RAI14: variants seen among roughly 807,000 people sequenced by gnomAD.
The protein encoded by RAI14 is ankycorbin.
A neutral mutation model predicts 115.4 loss-of-function variants in RAI14; 45 were observed. The ratio of observed to expected loss-of-function variants is 0.39; its 90% confidence interval spans 0.31 to 0.50. The LOEUF (loss-of-function observed/expected upper bound fraction) is 0.50, where lower values mean the gene tolerates loss of function less well. Ranked by LOEUF, RAI14 falls within the 20% of genes least tolerant of loss-of-function variation. The probability of loss-of-function intolerance (pLI) is 0.85; values close to 1 mark genes in which losing one functional copy is unlikely to be tolerated. For missense variants in RAI14, 939 were observed against 1,131.2 expected (o/e 0.83, Z 2.44); for synonymous variants, 371 against 415.4 (o/e 0.89, Z 1.30).
intron 4 of RAI14, among the ~76,000 whole-genome samples, chr5:34,799,539 C>CACACACACACA (rs1554007142): frequency 3.5e-5 from 2 of 57,212 alleles, no homozygotes; most frequent in Non-Finnish European, 9.1e-5. Context: ...CACACACACA[C>CACACACACACA]AAAACCACCT....
At position 34,790,092 on chromosome 5, in the gene RAI14, A is replaced by G. The variant is rs529127796; in HGVS notation, c.168-5847A>G. 3.9e-5 allele frequency among the ~76,000 whole-genome samples: 6 copies of G among 152,374 alleles called. No homozygotes were observed. In the South Asian group the frequency reaches 1.2e-3, roughly 32 times the overall value. On this transcript the variant is annotated intron_variant, in intron 3 of 17. Transcript: ENST00000265109. Reference sequence around the variant, plus strand: ...AACATTAAGACTTGATATCCAAATTAGATACAGAAAAGAAGTTCATAGTGT... The same window carrying G: ...AACATTAAGACTTGATATCCAAATTGGATACAGAAAAGAAGTTCATAGTGT...
chr5:34,682,537 A>C (rs1424380629), intron 1 of RAI14, among the ~76,000 whole-genome samples: 1 of 152,204 alleles, frequency 6.6e-6, no homozygotes, highest in Non-Finnish European at 1.5e-5. Flanking sequence ...TGTTACATCC[A>C]GTCTTTCAAA....
chr5:34,713,362 G>T lies in RAI14; in HGVS notation c.36+26407G>T, dbSNP rs1035507496. 3.3e-5 allele frequency among the ~76,000 whole-genome samples: 5 copies of T among 152,196 alleles called. No individual in the cohort carries two copies. The South Asian group carries it at 1.0e-3, about 32-fold the overall frequency. On this transcript the variant is annotated intron_variant, in intron 2 of 17. Coordinates refer to ENST00000265109, the MANE Select transcript of RAI14 (RefSeq NM_015577.3). ...CTAAAGGGAGGATCTCACAAGATAG[G>T]CAGAATTTCAAGAGAGATGGGATTG...
intron 2 of RAI14, among the ~76,000 whole-genome samples, chr5:34,708,295 C>A (rs1467984151): frequency 6.6e-6 from 1 of 151,886 alleles, no homozygotes; most frequent in East Asian, 1.9e-4. Flanking sequence ...CTCTGCCTCC[C>A]GCGTTCAAGC....
chr5:34,694,354 T>A (rs1279155944), intron 2 of RAI14, among the ~76,000 whole-genome samples: 1 of 152,238 alleles, frequency 6.6e-6, no homozygotes, highest in African/African-American at 2.4e-5. Context: ...AGTTTCTACT[T>A]AAAGATCTTT....
chr5:34,757,035 A>G (rs563042976), intron 2 of RAI14, among the ~76,000 whole-genome samples: 236 of 152,320 alleles, frequency 1.5e-3, no homozygotes, highest in African/African-American at 5.5e-3. Context: ...ATGTGTCTGT[A>G]AACCTCGGGT....
chr5:34,691,060 C>T (rs564739480), intron 2 of RAI14, among the ~76,000 whole-genome samples: 1 of 152,048 alleles, frequency 6.6e-6, no homozygotes, highest in East Asian at 1.9e-4. Context: ...ATGGCTGAAT[C>T]ACTGGGAATG....
intron 1 of RAI14, among the ~76,000 whole-genome samples, chr5:34,675,726 G>A (rs1224283598): frequency 1.3e-5 from 2 of 151,796 alleles, no homozygotes; most frequent in East Asian, 3.9e-4. Flanking sequence ...ACTCCAGCCT[G>A]GGCAACAGAG....
chr5:34,671,515 TTAA>T (rs1743619592), intron 1 of RAI14, among the ~76,000 whole-genome samples: 1 of 152,202 alleles, frequency 6.6e-6, no homozygotes, highest in African/African-American at 2.4e-5. Flanking sequence ...TTTGTTAGTA[TTAA>T]TAATAAGATG....
chr5:34,825,643 CAA>C (rs919601889), intron 15 of RAI14, among the ~76,000 whole-genome samples: 3 of 151,750 alleles, frequency 2.0e-5, no homozygotes, highest in Admixed American at 2.0e-4. Flanking sequence ...GCGCTGGACA[CAA>C]GAGATGGTGC....
intron 2 of RAI14, chr5:34,687,579 G>A: frequency 4.7e-6 from 7 of 1,477,054 alleles, no homozygotes; most frequent in Non-Finnish European, 6.3e-6. Context: ...CATAGCAGAG[G>A]GGTTGTACAC....
intron 1 of RAI14, among the ~76,000 whole-genome samples, chr5:34,658,227 T>C (rs775934517): frequency 1.5e-4 from 23 of 152,168 alleles, no homozygotes; most frequent in Non-Finnish European, 3.2e-4. Flanking sequence ...GAAAGGATGC[T>C]GAGCCCCCTA....
At chr5:34,727,567 C>T (rs1172959801) in intron 2 of RAI14, among the ~76,000 whole-genome samples, 3 of 152,152 alleles carry the variant, frequency 2.0e-5, no homozygotes, top group Non-Finnish European at 2.9e-5. Context: ...TGGGCCAGGC[C>T]TGGGGCCCCC....
At chr5:34,696,390 C>A (rs1739242579) in intron 2 of RAI14, among the ~76,000 whole-genome samples, 1 of 152,150 alleles carries the variant, frequency 6.6e-6, no homozygotes, top group African/African-American at 2.4e-5. Context: ...CCCGCCTCAG[C>A]CTCCCAAAGT....
chr5:34,797,639 T>C (rs1253623688), intron 4 of RAI14, among the ~76,000 whole-genome samples: 1 of 152,186 alleles, frequency 6.6e-6, no homozygotes, highest in Admixed American at 6.5e-5. Context: ...GGATAAATGG[T>C]TTCCTTAAGT....
In RAI14 at chr5:34,821,767, G is replaced by C. The variant is rs748420859; in HGVS notation, c.1030G>C (p.Asp344His). 6 of 1,612,152 alleles carry C rather than the reference G, an allele frequency of 3.7e-6. No individual in the cohort carries two copies. In the Middle Eastern group the frequency reaches 5.0e-4, roughly 133 times the overall value. The part of the protein sequence containing the change: ...DSLLDISSEA[D>H]QQDLLSLLQA... ...CTTATTGGATATAAGTTCTGAAGCTGACCAACAAGATCTTCTCTCTCTATT... is the reference window on the plus strand; with the variant it reads ...CTTATTGGATATAAGTTCTGAAGCTCACCAACAAGATCTTCTCTCTCTATT... Residue 344 changes from aspartate (D) to histidine (H), a missense_variant, in exon 14 of 18, where the codon GAC (aspartate) becomes CAC (histidine). Transcript: ENST00000265109.
chr5:34,689,032 T>C (rs1420997869), intron 2 of RAI14, among the ~76,000 whole-genome samples: 1 of 152,136 alleles, frequency 6.6e-6, no homozygotes, highest in Admixed American at 6.5e-5. Flanking sequence ...CTAGAACCAG[T>C]TTTTGCACTA....
intron 13 of RAI14, among the ~76,000 whole-genome samples, chr5:34,819,578 TAA>T (rs1396589266): frequency 6.6e-6 from 1 of 152,224 alleles, no homozygotes; most frequent in East Asian, 1.9e-4. Context: ...GTGTCTCTTA[TAA>T]AAGAGTGCCT....
chr5:34,801,154 C>T (rs1754212860), intron 4 of RAI14, among the ~76,000 whole-genome samples: 1 of 152,146 alleles, frequency 6.6e-6, no homozygotes, highest in Admixed American at 6.5e-5. Flanking sequence ...TTCCAAGAAT[C>T]TCTCTTCCTT....
Sources: allele counts gnomAD v4.1 joint callset (sites outside exome capture counted in the v4.1 genomes callset), GRCh38; gene constraint gnomAD v4.1.1; transcripts MANE v1.5; gene names NCBI Gene and HGNC (gene_info 2026-07-23, HGNC 2026-07-21).